The following ATF7 variants were observed in gnomAD, a reference collection of about 807,000 sequenced individuals.
ATF7 encodes cyclic AMP-dependent transcription factor ATF-7.
ATF7 carries 10 observed loss-of-function variants against 50.4 expected under a neutral mutation model. The observed-to-expected ratio is 0.20, with a 90% confidence interval of 0.12 to 0.34. The LOEUF is 0.34. Ranked by LOEUF, ATF7 falls within the 10% of genes least tolerant of loss-of-function variation. ATF7 has a pLI of 1.00. For synonymous variants in ATF7, 201 were observed against 226.4 expected, an observed-to-expected ratio of 0.89 and a Z score of 1.01; for missense variants, 465 against 613.9, an observed-to-expected ratio of 0.76 and a Z score of 2.56.
At chr12:53,570,218 G>A (rs998252029) in intron 2 of ATF7, among the ~76,000 whole-genome samples, 10 of 151,942 alleles carry the variant, frequency 6.6e-5, no homozygotes, top group Admixed American at 2.6e-4. Flanking sequence ...TTTTGATTAC[G>A]GTCTAAAATG....
At chr12:53,528,136 C>T (rs991679899) in intron 9 of ATF7, among the ~76,000 whole-genome samples, 3 of 151,892 alleles carry the variant, frequency 2.0e-5, no homozygotes, top group Non-Finnish European at 4.4e-5. Context: ...CCACCCTGCC[C>T]GGCCAAGAAA....
At chr12:53,626,149 G>C (rs1329710754) in intron 1 of ATF7, 130 bp downstream of exon 1, 1 of 153,090 alleles carries the variant, frequency 6.5e-6, no homozygotes, top group East Asian at 1.9e-4. Flanking sequence ...ACAGGGCCCG[G>C]CCACCGCCTC....
intron 2 of ATF7, among the ~76,000 whole-genome samples, chr12:53,594,824 G>T (rs979438367): frequency 1.3e-5 from 2 of 150,174 alleles, no homozygotes; most frequent in Non-Finnish European, 3.0e-5. Flanking sequence ...GGAGGTAGAG[G>T]TTGCAGTGAG....
Position 53,537,517 on chromosome 12 carries a change from G to A in ATF7, c.300C>T (p.Ser100=). Residue 100 remains serine, a synonymous_variant, in exon 5 of 12, where the codon TCC becomes TCT. Transcript: ENST00000420353. ...CTTCTTTGATTTTGATGTCTGGTGTGGAAGGCAGAGACATGTCAAGGGGCC... is the reference window on the plus strand; with the variant it reads ...CTTCTTTGATTTTGATGTCTGGTGTAGAAGGCAGAGACATGTCAAGGGGCC... ...AAGPLDMSLP[S]TPDIKIKEEE... 6.2e-7 allele frequency: 1 copy of A among 1,613,586 alleles called. No homozygotes were observed. Among genetic ancestry groups the A allele is most frequent in the East Asian group, 2.2e-5 (1 of 44,884 alleles).
intron 1 of ATF7, among the ~76,000 whole-genome samples, chr12:53,624,577 G>A (rs914656523): frequency 6.6e-6 from 1 of 152,204 alleles, no homozygotes; most frequent in East Asian, 1.9e-4. Context: ...CTACTTAGCA[G>A]AGCTTGCAAA....
downstream of ATF7, among the ~76,000 whole-genome samples, chr12:53,508,429 A>T (rs1171329291): frequency 2.0e-5 from 3 of 150,490 alleles, no homozygotes; most frequent in Middle Eastern, 3.4e-3. Context: ...GCGTGGTGGT[A>T]GGCACCTGTA....
At chr12:53,562,029 T>A (rs1941152856) in intron 2 of ATF7, among the ~76,000 whole-genome samples, 1 of 152,268 alleles carries the variant, frequency 6.6e-6, no homozygotes, top group Admixed American at 6.5e-5. Flanking sequence ...TTCATTTGTC[T>A]ATGGATTGAG....
intron 2 of ATF7, among the ~76,000 whole-genome samples, chr12:53,582,703 G>A (rs549119478): frequency 1.3e-5 from 2 of 152,086 alleles, no homozygotes; most frequent in South Asian, 4.2e-4. Flanking sequence ...CTCAGCCTCC[G>A]GAGTAGCTGG....
intron 9 of ATF7, among the ~76,000 whole-genome samples, chr12:53,529,733 A>G (rs1439183893): frequency 6.8e-6 from 1 of 147,840 alleles, no homozygotes; most frequent in Non-Finnish European, 1.5e-5. Context: ...ACACACACAC[A>G]CATATATATA....
At chr12:53,589,406 T>C (rs540560109) in intron 2 of ATF7, among the ~76,000 whole-genome samples, 2 of 152,300 alleles carry the variant, frequency 1.3e-5, no homozygotes, top group East Asian at 3.9e-4. Flanking sequence ...ATCAAACAAT[T>C]TTCATTGTAT....
intron 7 of ATF7, 60 bp downstream of exon 7, chr12:53,533,100 C>T (rs1484540101): frequency 5.1e-5 from 73 of 1,427,456 alleles, no homozygotes; most frequent in Non-Finnish European, 6.7e-5. Context: ...TATGACCATT[C>T]AGGTGGAAGG....
chr12:53,558,853 T>A (rs548834291), intron 2 of ATF7, among the ~76,000 whole-genome samples: 1 of 152,326 alleles, frequency 6.6e-6, no homozygotes, highest in African/African-American at 2.4e-5. Context: ...CTATTAACAA[T>A]TAACTTTCCA....
intron 2 of ATF7, among the ~76,000 whole-genome samples, chr12:53,590,615 C>T (rs1565984092): frequency 6.6e-6 from 1 of 152,168 alleles, no homozygotes; most frequent in Non-Finnish European, 1.5e-5. Flanking sequence ...CCTATAACAT[C>T]AGAGAGACTC....
rs758293593 is a variant in ATF7 at position 53,532,570 on chromosome 12, T to A, written c.714A>T (p.Pro238=). ...VPNIPGIPGP[P]VNSSGSISPS... is the part of the protein sequence containing the mutation. ...GAGAAATGGAGCCACTACTGTTAAC[T>A]GGTGGGCCAGGGATACCAGGAATGT... Residue 238 remains proline, a synonymous_variant, in exon 8 of 12, where the codon CCA becomes CCT. Coordinates refer to ENST00000420353, the MANE Select transcript of ATF7 (RefSeq NM_006856.3). The A allele has an allele frequency of 6.2e-7, 1 of 1,609,720 alleles. No homozygotes were observed. Among genetic ancestry groups the A allele is most frequent in the Non-Finnish European group, 8.5e-7 (1 of 1,178,472 alleles).
chr12:53,576,988 G>A (rs1427576265), intron 2 of ATF7, among the ~76,000 whole-genome samples: 8 of 152,146 alleles, frequency 5.3e-5, no homozygotes, highest in African/African-American at 1.9e-4. Flanking sequence ...CCCAGGAGGT[G>A]GAGGTTGCAG....
At chr12:53,540,495 G>A (rs1592822552) in intron 4 of ATF7, among the ~76,000 whole-genome samples, 1 of 151,962 alleles carries the variant, frequency 6.6e-6, no homozygotes, top group Non-Finnish European at 1.5e-5. Context: ...AGGCTGAGGT[G>A]GACAGATTGC....
intron 1 of ATF7, among the ~76,000 whole-genome samples, chr12:53,619,493 A>AG (rs1344003844): frequency 6.6e-6 from 1 of 150,696 alleles, no homozygotes; most frequent in African/African-American, 2.5e-5. Flanking sequence ...TGTCAAAAAA[A>AG]AAAAAAAAAA....
intron 1 of ATF7, among the ~76,000 whole-genome samples, chr12:53,618,580 A>C (rs1944240577): frequency 1.3e-5 from 2 of 151,990 alleles, no homozygotes; most frequent in South Asian, 4.1e-4. Flanking sequence ...GCCAATGTAA[A>C]GTCTTTAGTC....
chr12:53,588,897 C>A (rs929342180), intron 2 of ATF7, among the ~76,000 whole-genome samples: 5 of 152,072 alleles, frequency 3.3e-5, no homozygotes, highest in African/African-American at 1.2e-4. Context: ...GAGGCAGTTG[C>A]AGAAAGATTT....
Sources: gnomAD v4.1 joint callset for allele counts (sites outside exome capture counted in the v4.1 genomes callset) on GRCh38, gnomAD v4.1.1 for gene constraint, MANE v1.5 for transcripts, NCBI Gene and HGNC (gene_info 2026-07-23, HGNC 2026-07-21) for gene names.